TTC7B: variants seen among roughly 807,000 people sequenced by gnomAD.
TTC7B encodes the protein tetratricopeptide repeat domain 7B.
In TTC7B, 28 loss-of-function variants were observed where a neutral mutation model predicts 106.8. That is an observed-to-expected ratio of 0.26 (90% CI 0.19 to 0.36). The LOEUF is 0.36. Among genes scored for constraint, TTC7B ranks in the 10% least tolerant of loss-of-function variants. The pLI is 1.00. For synonymous variants in TTC7B, 405 were observed against 430.6 expected (o/e 0.94, Z 0.74); for missense variants, 862 against 1,076.4 (o/e 0.80, Z 2.79).
At chr14:90,582,334 G>A (rs954874440) in intron 18 of TTC7B, among the ~76,000 whole-genome samples, 1 of 152,230 alleles carries the variant, frequency 6.6e-6, no homozygotes, top group Non-Finnish European at 1.5e-5. Flanking sequence ...GTGGCCTTGG[G>A]CAAGTCAATC....
intron 1 of TTC7B, among the ~76,000 whole-genome samples, chr14:90,788,687 G>A (rs1891473662): frequency 6.6e-6 from 1 of 152,092 alleles, no homozygotes; most frequent in African/African-American, 2.4e-5. Context: ...CCTTTAGGCA[G>A]GGCGCAGTGG....
chr14:90,595,838 C>G (rs977665763), intron 17 of TTC7B, among the ~76,000 whole-genome samples: 8 of 152,214 alleles, frequency 5.3e-5, no homozygotes, highest in African/African-American at 1.9e-4. Context: ...GCCGCTAAGA[C>G]TGAGAACCAC....
chr14:90,641,532 T>G (rs1238313744), intron 15 of TTC7B, among the ~76,000 whole-genome samples: 1 of 152,238 alleles, frequency 6.6e-6, no homozygotes, highest in Admixed American at 6.5e-5. Flanking sequence ...GAAGAAACCA[T>G]GGGATCCACT....
At position 90,537,373 on chromosome 14, in the gene TTC7B, T is replaced by TGGGG. The variant is rs57246097; in HGVS notation, c.*3991_*3994dup. ...GGCTATTTTTTTTTTTTTGTAGAGA[T>TGGGG]GGGGGGGGGGTCTCACCATGTTGCC... is the stretch of plus-strand genomic sequence containing the variant. On this transcript the variant is annotated 3_prime_UTR_variant, in exon 20 of 20. Transcript: ENST00000328459. The TGGGG allele has an allele frequency of 1.5e-3, 83 of 54,352 alleles. 1 individual carries two copies. The highest frequency in any genetic ancestry group is 4.9e-3 in the African/African-American group (78 of 16,066). The allele number at this position is 54,352 out of a possible 1,614,324, so 3.4% of individuals were successfully genotyped here. A position where few individuals can be genotyped will look rare whatever the true frequency, so the allele number is the denominator to read the frequency against.
chr14:90,796,065 C>T lies in TTC7B; in HGVS notation c.122-9737G>A, dbSNP rs1173580944. 2.6e-5 allele frequency among the ~76,000 whole-genome samples: 4 copies of T among 152,202 alleles called. No individual in the cohort carries two copies. In the East Asian group the frequency reaches 7.7e-4, roughly 29 times the overall value. ...CGCAGGCAGTCTCCCTACACTCTCTCCGGCACGCCATGCACAAACTATACC... is the reference window on the plus strand; with the variant it reads ...CGCAGGCAGTCTCCCTACACTCTCTTCGGCACGCCATGCACAAACTATACC... On this transcript the variant is annotated intron_variant, in intron 1 of 19. Transcript: ENST00000328459.
At chr14:90,609,143 G>T (rs1892775362) in intron 17 of TTC7B, among the ~76,000 whole-genome samples, 1 of 152,180 alleles carries the variant, frequency 6.6e-6, no homozygotes, top group African/African-American at 2.4e-5. Flanking sequence ...ACTCTGCTGT[G>T]CTATTCCAGC....
chr14:90,776,140 G>GACACACACACACACACACACAC lies in TTC7B; in HGVS notation c.445+4576_445+4597dup, dbSNP rs370873395. On this transcript the variant is annotated intron_variant, in intron 3 of 19. Coordinates refer to ENST00000328459, the MANE Select transcript of TTC7B (RefSeq NM_001010854.2). ...AGCAGGGCAGGAGAGGGCCCCCCGT[G>GACACACACACACACACACACAC]ACACACACACACACACACACACACA... is the stretch of plus-strand genomic sequence containing the variant. Among the ~76,000 whole-genome samples, 85 of 140,372 alleles carry GACACACACACACACACACACAC rather than the reference G, an allele frequency of 6.1e-4. 1 individual carries two copies. The highest frequency in any genetic ancestry group is 5.6e-3 in the East Asian group (26 of 4,670). 92.1% of individuals were successfully genotyped at this position (140,372 alleles called of 152,430 possible).
At position 90,780,724 on chromosome 14, in the gene TTC7B, G is replaced by C; in HGVS notation, c.445+14C>G. On this transcript the variant is annotated intron_variant, in intron 3 of 19. Transcript: ENST00000328459. The stretch of plus-strand genomic sequence containing the variant: ...CAGGTCACGGGACACTGTGTTAGAA[G>C]GCACGGGCCTCACCTTTGGTAGCGT... The C allele has an allele frequency of 6.2e-7, 1 of 1,612,412 alleles. No individual in the cohort carries two copies. Among genetic ancestry groups the C allele is most frequent in the South Asian group, 1.1e-5 (1 of 90,942 alleles).
rs1186061223 is a variant in TTC7B at position 90,794,211 on chromosome 14, C to CTTT, written c.122-7886_122-7884dup. 1.2e-3 allele frequency among the ~76,000 whole-genome samples: 52 copies of CTTT among 45,120 alleles called. 2 individuals carry two copies. The highest frequency in any genetic ancestry group is 2.2e-3 in the African/African-American group (31 of 14,102). 29.6% of individuals were successfully genotyped at this position (45,120 alleles called of 152,430 possible). A position where few individuals can be genotyped will look rare whatever the true frequency, so the allele number is the denominator to read the frequency against. ...AGCCACTGCACCTGGCTGGGTATTT[C>CTTT]TTTTTTTTTTTTTTTTTTTTTTTTT... On this transcript the variant is annotated intron_variant, in intron 1 of 19. Coordinates refer to ENST00000328459, the MANE Select transcript of TTC7B (RefSeq NM_001010854.2).
intron 2 of TTC7B, among the ~76,000 whole-genome samples, chr14:90,782,652 C>T (rs1413061731): frequency 6.6e-6 from 1 of 152,106 alleles, no homozygotes; most frequent in African/African-American, 2.4e-5. Context: ...ACAGGCCAGG[C>T]TTGGGTATTT....
At chr14:90,733,829 T>C (rs1365137744) in intron 4 of TTC7B, among the ~76,000 whole-genome samples, 1 of 152,174 alleles carries the variant, frequency 6.6e-6, no homozygotes, top group Non-Finnish European at 1.5e-5. Flanking sequence ...ACTGCCCTCA[T>C]CTATACAATG....
chr14:90,562,978 T>G (rs1267120411), intron 19 of TTC7B, among the ~76,000 whole-genome samples: 6 of 152,142 alleles, frequency 3.9e-5, no homozygotes, highest in Admixed American at 3.9e-4. Flanking sequence ...CACCATACCC[T>G]GCACATCTGT....
At chr14:90,781,275 C>T (rs1891211919) in intron 2 of TTC7B, among the ~76,000 whole-genome samples, 1 of 152,054 alleles carries the variant, frequency 6.6e-6, no homozygotes, top group African/African-American at 2.4e-5. Flanking sequence ...AGTTAGAAAA[C>T]AGATTAGTCT....
At chr14:90,779,942 C>T (rs1891154172) in intron 3 of TTC7B, among the ~76,000 whole-genome samples, 1 of 152,170 alleles carries the variant, frequency 6.6e-6, no homozygotes, top group Non-Finnish European at 1.5e-5. Context: ...AACTGATTAG[C>T]CTTAATGAAC....
chr14:90,640,450 A>C (rs1015184215), intron 15 of TTC7B, among the ~76,000 whole-genome samples: 5 of 152,236 alleles, frequency 3.3e-5, no homozygotes, highest in African/African-American at 1.2e-4. Context: ...TACCTAGGAA[A>C]TACATACACA....
intron 5 of TTC7B, among the ~76,000 whole-genome samples, chr14:90,721,544 G>A (rs1014948817): frequency 9.2e-5 from 14 of 151,786 alleles, no homozygotes; most frequent in African/African-American, 2.9e-4. Context: ...TTTTAATTAC[G>A]TGAGACCAAT....
chr14:90,737,438 A>G (rs1889579001), intron 4 of TTC7B, among the ~76,000 whole-genome samples: 1 of 152,204 alleles, frequency 6.6e-6, no homozygotes, highest in South Asian at 2.1e-4. Context: ...ATTATTTAAC[A>G]ATGTAAAGAA....
At chr14:90,553,687 G>C (rs1461271897) in intron 19 of TTC7B, among the ~76,000 whole-genome samples, 1 of 152,202 alleles carries the variant, frequency 6.6e-6, no homozygotes, top group Admixed American at 6.5e-5. Context: ...AAAGCTTCCA[G>C]AACAGCGCAC....
chr14:90,798,499 T>TTA (rs2030019126), intron 1 of TTC7B, among the ~76,000 whole-genome samples: 9 of 151,870 alleles, frequency 5.9e-5, no homozygotes, highest in Admixed American at 3.3e-4. Flanking sequence ...TCGCCTGAGG[T>TTA]CAAGAGTTCG....
Sources: gnomAD v4.1 joint callset for allele counts (sites outside exome capture counted in the v4.1 genomes callset) on GRCh38, gnomAD v4.1.1 for gene constraint, MANE v1.5 for transcripts, NCBI Gene and HGNC (gene_info 2026-07-23, HGNC 2026-07-21) for gene names.